The following LRRK2 variants were observed in gnomAD, a reference collection of about 807,000 sequenced individuals.
LRRK2 encodes leucine-rich repeat serine/threonine-protein kinase 2.
In LRRK2, 203 loss-of-function variants were observed where a neutral mutation model predicts 302.6. The ratio of observed to expected loss-of-function variants is 0.67; its 90% CI spans 0.60 to 0.75. The LOEUF (loss-of-function observed/expected upper bound fraction) is 0.75, where lower values mean the gene tolerates loss of function less well. Among genes scored for constraint, LRRK2 ranks in the 30% least tolerant of loss-of-function variants. The pLI is 0.00. For synonymous variants in LRRK2, 1,066 were observed against 1,031.9 expected (o/e 1.03, Z -0.63); for missense variants, 2,830 against 2,951.0 (o/e 0.96, Z 0.95).
intron 28 of LRRK2, among the ~76,000 whole-genome samples, chr12:40,306,525 T>C (rs1287430183): frequency 2.0e-5 from 3 of 152,196 alleles, no homozygotes; most frequent in South Asian, 2.1e-4. Context: ...TAATGGATTT[T>C]ATCCTCCTTT....
rs549153324 is a variant in LRRK2 at position 40,329,416 on chromosome 12, A to G, written c.5757+956A>G. On this transcript the variant is annotated intron_variant, in intron 39 of 50. Transcript: ENST00000298910. The stretch of plus-strand genomic sequence containing the variant: ...ATCACCTTCTCAAGTTCTTTAATTT[A>G]TTCTATTATTTTTATGTAGTGAAAG... Among the ~76,000 whole-genome samples, 50 of 152,236 alleles carry G rather than the reference A, an allele frequency of 3.3e-4. No homozygotes were observed. The South Asian group carries it at 3.7e-3, about 11-fold the overall frequency.
At position 40,363,440 on chromosome 12, in the gene LRRK2, C is replaced by T. The variant is rs113511708; in HGVS notation, c.7067C>T (p.Thr2356Ile). ...GCTTTCAGTGATTCCAACATCATAA[C>T]AGTGGTGGTAGACACTGCTCTCTAT... ...YAAFSDSNII[T>I]VVVDTALYIA... is the part of the protein sequence containing the mutation. Residue 2356 changes from threonine to isoleucine, a missense_variant, in exon 48 of 51, where the codon ACA becomes ATA. Thr to Ile is a moderately conservative substitution (Grantham distance 89). This residue lies in a region of LRRK2 where 456 missense variants were observed against 456.3 expected (regional missense o/e 1.00). Coordinates refer to ENST00000298910, the MANE Select transcript of LRRK2 (RefSeq NM_198578.4). The T allele has an allele frequency of 2.1e-4, 332 of 1,611,766 alleles. No homozygotes were observed. Among genetic ancestry groups the T allele is most frequent in the Admixed American group, 3.3e-4 (20 of 59,796 alleles).
At chr12:40,304,546 T>A (rs563995305) in intron 27 of LRRK2, 2 of 191,134 alleles carry the variant, frequency 1.0e-5, no homozygotes, top group Non-Finnish European at 2.2e-5. Context: ...ATGTGTGATG[T>A]TATCATATAA....
At position 40,225,152 on chromosome 12, in the gene LRRK2, G is replaced by T; in HGVS notation, c.21G>T (p.Gln7His). 1 of 1,614,060 alleles carries T rather than the reference G, an allele frequency of 6.2e-7. No individual in the cohort carries two copies. MASGSC[Q>H]GCEEDEETLK... is the part of the protein sequence containing the mutation. ...CCACCATGGCTAGTGGCAGCTGTCA[G>T]GGGTGCGAAGAGGACGAGGAAACTC... Residue 7 changes from glutamine to histidine, a missense_variant, in exon 1 of 51, where the codon CAG becomes CAT. Physicochemically the swap from Gln to His is conservative, Grantham distance 24. Transcript: ENST00000298910.
At chr12:40,304,244 CTTCCTGTTAACTATAAA>C in intron 27 of LRRK2, 110 bp downstream of exon 27, 1 of 1,034,524 alleles carries the variant, frequency 9.7e-7, no homozygotes, top group Admixed American at 2.4e-5. Flanking sequence ...AAACTAGAAG[CTTCCTGTTAACTATAAA>C]TTCCTGTCAA....
At chr12:40,228,144 TTTAAGATAC>T (rs1940989865) in intron 2 of LRRK2, among the ~76,000 whole-genome samples, 1 of 152,218 alleles carries the variant, frequency 6.6e-6, no homozygotes, top group Non-Finnish European at 1.5e-5. Context: ...TTTTTAGTTT[TTTAAGATAC>T]CTCCATACTG....
intron 39 of LRRK2, among the ~76,000 whole-genome samples, chr12:40,333,742 G>A (rs532554976): frequency 6.6e-6 from 1 of 151,982 alleles, no homozygotes; most frequent in African/African-American, 2.4e-5. Flanking sequence ...GGCCCATGGC[G>A]GGCCTCTCTG....
At chr12:40,315,331 G>C (rs201111536) in intron 33 of LRRK2, 31 bp downstream of exon 33, 72 of 1,549,544 alleles carry the variant, frequency 4.6e-5, no homozygotes, top group Non-Finnish European at 6.4e-5. Context: ...TGGCACGGGG[G>C]TTATGGTCAA....
intron 25 of LRRK2, among the ~76,000 whole-genome samples, chr12:40,300,034 A>G (rs1565728657): frequency 6.6e-6 from 1 of 152,184 alleles, no homozygotes; most frequent in Non-Finnish European, 1.5e-5. Context: ...AAACATGCAC[A>G]TGGCTGCCTG....
At chr12:40,256,643 C>T (rs1942523030) in intron 11 of LRRK2, among the ~76,000 whole-genome samples, 1 of 152,128 alleles carries the variant, frequency 6.6e-6, no homozygotes, top group Non-Finnish European at 1.5e-5. Context: ...TATATGATGG[C>T]ATATATAGAA....
chr12:40,301,086 G>T (rs1407744969), intron 25 of LRRK2: 2 of 456,862 alleles, frequency 4.4e-6, no homozygotes, highest in Admixed American at 2.4e-5. Context: ...TAATTATCTT[G>T]TTGTGAAAGT....
intron 7 of LRRK2, among the ~76,000 whole-genome samples, chr12:40,244,745 AG>A (rs1319227629): frequency 1.7e-5 from 1 of 60,568 alleles, no homozygotes; most frequent in African/African-American, 6.8e-5. Flanking sequence ...GGGTGGGGGG[AG>A]GGGGGAGGGA....
At chr12:40,347,188 T>C (rs943561638) in intron 42 of LRRK2, among the ~76,000 whole-genome samples, 2 of 152,218 alleles carry the variant, frequency 1.3e-5, no homozygotes, top group African/African-American at 4.8e-5. Context: ...CTGTTAGAAC[T>C]CCACATTTGG....
chr12:40,250,378 T>C (rs1456187070), intron 8 of LRRK2, among the ~76,000 whole-genome samples: 3 of 151,944 alleles, frequency 2.0e-5, no homozygotes, highest in Admixed American at 2.0e-4. Flanking sequence ...TAATCCCAGC[T>C]GCTCGGGAGG....
rs200952223 is a variant in LRRK2 at position 40,348,387 on chromosome 12, A to C, written c.6281-22A>C. The C allele has an allele frequency of 2.0e-4, 295 of 1,487,400 alleles. No individual in the cohort carries two copies. The East Asian group carries it at 2.9e-3, about 15-fold the overall frequency. The allele number at this position is 1,487,400 out of a possible 1,614,324, so 92.1% of individuals were successfully genotyped here. On this transcript the variant is annotated intron_variant, in intron 42 of 50. Coordinates refer to ENST00000298910, the MANE Select transcript of LRRK2 (RefSeq NM_198578.4). ...ATTCTTACTTATTTAGTATGCTAGCATGATGTTTTTTAATGTTTTAGATCC... is the reference window on the plus strand; with the variant it reads ...ATTCTTACTTATTTAGTATGCTAGCCTGATGTTTTTTAATGTTTTAGATCC...
At chr12:40,293,826 T>C (rs891385953) in intron 21 of LRRK2, among the ~76,000 whole-genome samples, 163 bp downstream of exon 21, 2 of 151,428 alleles carry the variant, frequency 1.3e-5, no homozygotes, top group African/African-American at 4.8e-5. Flanking sequence ...TGAAAACATA[T>C]TAGATGTAAA....
At chr12:40,314,696 T>G (rs1945158450) in intron 32 of LRRK2, among the ~76,000 whole-genome samples, 2 of 152,012 alleles carry the variant, frequency 1.3e-5, no homozygotes. Context: ...GTGCTAATTG[T>G]GTACTTGATC....
At chr12:40,225,745 T>C in intron 2 of LRRK2, 105 bp downstream of exon 2, 1 of 983,506 alleles carries the variant, frequency 1.0e-6, no homozygotes, top group South Asian at 1.4e-5. Context: ...TTCCCAAAAT[T>C]TGGCTTGAGG....
intron 11 of LRRK2, among the ~76,000 whole-genome samples, chr12:40,253,981 T>G (rs944787811): frequency 6.6e-6 from 1 of 152,202 alleles, no homozygotes; most frequent in Non-Finnish European, 1.5e-5. Flanking sequence ...TTAATGTAAT[T>G]CTTATAAATC....
Sources: gnomAD v4.1 joint callset for allele counts (sites outside exome capture counted in the v4.1 genomes callset) on GRCh38, gnomAD v4.1.1 for gene constraint, gnomAD v4.1.1 regional missense constraint, MANE v1.5 for transcripts, NCBI Gene and HGNC (gene_info 2026-07-23, HGNC 2026-07-21) for gene names.